The following DAAM2 variants were observed in gnomAD, a reference collection of about 807,000 sequenced individuals.
DAAM2 encodes disheveled-associated activator of morphogenesis 2.
A neutral mutation model predicts 120.7 loss-of-function variants in DAAM2; 39 were observed. The observed-to-expected ratio is 0.32, with a 90% CI of 0.25 to 0.42. The LOEUF is 0.42. Ranked by LOEUF, DAAM2 falls within the 10% of genes least tolerant of loss-of-function variation. DAAM2 has a pLI of 1.00. For synonymous variants in DAAM2, 488 were observed against 524.9 expected (o/e 0.93, Z 0.96); for missense variants, 1,283 against 1,401.7 (o/e 0.92, Z 1.35).
At chr6:39,839,087 AT>A (rs1337799886) in intron 1 of DAAM2, among the ~76,000 whole-genome samples, 1 of 150,364 alleles carries the variant, frequency 6.7e-6, no homozygotes, top group African/African-American at 2.4e-5. Flanking sequence ...TAGGCTAGGC[AT>A]TGTTTTTTTT....
At chr6:39,868,597 AGT>A (rs1764523120) in intron 6 of DAAM2, 1 of 550,166 alleles carries the variant, frequency 1.8e-6, no homozygotes, top group African/African-American at 1.9e-5. Context: ...CCAAAGGCTG[AGT>A]GGAGAGGAAG....
At position 39,888,703 on chromosome 6, in the gene DAAM2, C is replaced by A; in HGVS notation, c.2085C>A (p.Ile695=). 1 of 1,613,202 alleles carries A rather than the reference C, an allele frequency of 6.2e-7. No individual in the cohort carries two copies. Among genetic ancestry groups the A allele is most frequent in the Non-Finnish European group, 8.5e-7 (1 of 1,179,438 alleles). The change falls in exon 17 of 25, where the codon ATC becomes ATA. Residue 695 remains isoleucine, a synonymous_variant. Coordinates refer to ENST00000274867, the MANE Select transcript of DAAM2 (RefSeq NM_001201427.2). ...GGTTGAAGCTTTCTAACGAGGAGAT[C>A]CGGCAGGCCATCTTGAAGATGGATG... ...LSKLKLSNEE[I]RQAILKMDEQ... is the part of the protein sequence containing the mutation.
intron 1 of DAAM2, among the ~76,000 whole-genome samples, chr6:39,847,490 G>A (rs1027831411): frequency 6.6e-6 from 1 of 152,158 alleles, no homozygotes; most frequent in African/African-American, 2.4e-5. Flanking sequence ...TTGGCCAGGA[G>A]CCCCAGACTT....
intron 1 of DAAM2, among the ~76,000 whole-genome samples, chr6:39,816,687 G>A (rs1762319747): frequency 6.6e-6 from 1 of 152,174 alleles, no homozygotes; most frequent in Admixed American, 6.5e-5. Flanking sequence ...TTTATTCATT[G>A]AGAAGAAAGG....
chr6:39,835,476 C>T (rs767669274), intron 1 of DAAM2, among the ~76,000 whole-genome samples: 25 of 152,222 alleles, frequency 1.6e-4, no homozygotes, highest in Non-Finnish European at 3.4e-4. Flanking sequence ...TGTGAGCTCC[C>T]AACTCTGGAC....
intron 1 of DAAM2, among the ~76,000 whole-genome samples, chr6:39,845,780 T>G (rs1009136643): frequency 3.3e-5 from 5 of 151,970 alleles, no homozygotes; most frequent in African/African-American, 1.2e-4. Flanking sequence ...AAACTCCGTT[T>G]CACAGCTCCC....
At chr6:39,800,232 C>T (rs1187345045) in intron 1 of DAAM2, among the ~76,000 whole-genome samples, 1 of 152,144 alleles carries the variant, frequency 6.6e-6, no homozygotes, top group African/African-American at 2.4e-5. Context: ...TGCTTTGGCT[C>T]TTAGGCTGCG....
intron 1 of DAAM2, among the ~76,000 whole-genome samples, chr6:39,838,939 G>A (rs1240242843): frequency 7.3e-5 from 11 of 151,564 alleles, no homozygotes; most frequent in South Asian, 4.2e-4. Flanking sequence ...GATTACAGGC[G>A]TGAGCCACCG....
chr6:39,858,331 T>A (rs755572374), intron 2 of DAAM2, among the ~76,000 whole-genome samples: 1 of 152,228 alleles, frequency 6.6e-6, no homozygotes, highest in Non-Finnish European at 1.5e-5. Context: ...TTTTGCCTCC[T>A]AATCCTACAG....
At chr6:39,814,978 C>G (rs1561999738) in intron 1 of DAAM2, among the ~76,000 whole-genome samples, 1 of 152,310 alleles carries the variant, frequency 6.6e-6, no homozygotes, top group Middle Eastern at 3.4e-3. Context: ...CTTTGAGATT[C>G]AGAATAAATT....
chr6:39,865,833 T>C (rs1300733723), intron 5 of DAAM2, among the ~76,000 whole-genome samples: 1 of 152,254 alleles, frequency 6.6e-6, no homozygotes, highest in Non-Finnish European at 1.5e-5. Flanking sequence ...CATTCCCAAA[T>C]TACCTAATTA....
At chr6:39,861,080 C>A (rs1764191476) in intron 3 of DAAM2, 63 bp downstream of exon 3, 1 of 1,290,190 alleles carries the variant, frequency 7.8e-7, no homozygotes, top group Non-Finnish European at 1.1e-6. Context: ...CTCTTGCTGC[C>A]TTGGCATGCT....
At chr6:39,900,275 C>A in intron 23 of DAAM2, 67 bp downstream of exon 23, 1 of 1,562,204 alleles carries the variant, frequency 6.4e-7, no homozygotes, top group Non-Finnish European at 8.7e-7. Context: ...TTCACCCATT[C>A]CTACCACAGA....
At chr6:39,816,939 C>A (rs1762327627) in intron 1 of DAAM2, among the ~76,000 whole-genome samples, 1 of 152,220 alleles carries the variant, frequency 6.6e-6, no homozygotes, top group Admixed American at 6.5e-5. Context: ...CATCACATTT[C>A]TTTTGCTGAG....
chr6:39,834,882 C>T (rs1195994689), intron 1 of DAAM2, among the ~76,000 whole-genome samples: 3 of 152,136 alleles, frequency 2.0e-5, no homozygotes, highest in South Asian at 2.1e-4. Flanking sequence ...AGCCAACGCA[C>T]GGGCTCAGTT....
rs1562075487 is a variant in DAAM2, at chr6:39,904,528, C to CATCA, written c.*2493_*2496dup. On this transcript the variant is annotated 3_prime_UTR_variant, in exon 25 of 25. Transcript: ENST00000274867. ...ATTTTGTGGCCAATGTAAAATTCGT[C>CATCA]ATCAACCTAACAAACACAACCTTCT... The CATCA allele has an allele frequency of 2.2e-6, 1 of 454,284 alleles. No individual in the cohort carries two copies. The highest frequency in any genetic ancestry group is 4.4e-6 in the Non-Finnish European group (1 of 226,966). 28.1% of individuals were successfully genotyped at this position (454,284 alleles called of 1,614,324 possible). A position where few individuals can be genotyped will look rare whatever the true frequency, so the allele number is the denominator to read the frequency against.
At chr6:39,803,877 C>T (rs1761936601) in intron 1 of DAAM2, among the ~76,000 whole-genome samples, 2 of 152,122 alleles carry the variant, frequency 1.3e-5, no homozygotes, top group Admixed American at 1.3e-4. Flanking sequence ...CATGAATTTC[C>T]TGGAAGGCAA....
chr6:39,856,855 T>C (rs1420411739), intron 2 of DAAM2, among the ~76,000 whole-genome samples: 4 of 152,212 alleles, frequency 2.6e-5, no homozygotes, highest in Non-Finnish European at 5.9e-5. Flanking sequence ...GATCTTTTAA[T>C]GTCCGAGGCA....
chr6:39,842,711 T>G lies in DAAM2; in HGVS notation c.-56-13536T>G, dbSNP rs2149256253. 2.0e-5 allele frequency among the ~76,000 whole-genome samples: 3 copies of G among 152,214 alleles called. No individual in the cohort carries two copies. In the South Asian group the frequency reaches 6.2e-4, roughly 32 times the overall value. ...GTATGTAATGAAGTATATAATGAAGTGTCCTATAAACAGCAGACAAAAAGT... is the reference window on the plus strand; with the variant it reads ...GTATGTAATGAAGTATATAATGAAGGGTCCTATAAACAGCAGACAAAAAGT... On this transcript the variant is annotated intron_variant, in intron 1 of 24. Coordinates refer to ENST00000274867, the MANE Select transcript of DAAM2 (RefSeq NM_001201427.2).
Sources: gnomAD v4.1 joint callset for allele counts (sites outside exome capture counted in the v4.1 genomes callset) on GRCh38, gnomAD v4.1.1 for gene constraint, MANE v1.5 for transcripts, NCBI Gene and HGNC (gene_info 2026-07-23, HGNC 2026-07-21) for gene names.